The following STARD3NL variants were observed in gnomAD, a reference collection of about 807,000 sequenced individuals.
STARD3NL encodes the protein STARD3 N-terminal like, also known as STARD3 N-terminal-like protein.
Under a neutral mutation model 30.9 loss-of-function variants are expected in STARD3NL, and 17 were observed. The observed-to-expected ratio is 0.55, with a 90% confidence interval of 0.38 to 0.82. The LOEUF (loss-of-function observed/expected upper bound fraction) is 0.82, where lower values mean the gene tolerates loss of function less well. STARD3NL is among the 40% of genes least tolerant of loss of function. The pLI, the probability that STARD3NL is intolerant of heterozygous loss-of-function variation, is 0.00. For missense variants in STARD3NL, 234 were observed against 277.6 expected (o/e 0.84, Z 1.12); for synonymous variants, 112 against 100.5 (o/e 1.11, Z -0.69).
Position 38,217,296 on chromosome 7 carries a change from G to A in STARD3NL, c.544G>A (p.Glu182Lys), listed in dbSNP as rs1359298655. The change falls in exon 6 of 9, where the codon GAA becomes AAA. Residue 182 changes from glutamate (E) to lysine (K), a missense_variant. Transcript: ENST00000009041. The stretch of plus-strand genomic sequence containing the variant: ...CAAAGTGTTACCTCAAGAAGCAGAA[G>A]AAGAAAACAGTAAGTTCCTCTCAAA... ...DFKVLPQEAE[E>K]ENRLLIVQDA... is the part of the protein sequence containing the mutation. 5.6e-6 allele frequency: 9 copies of A among 1,613,900 alleles called. No individual in the cohort carries two copies. In the South Asian group the frequency reaches 9.9e-5, roughly 18 times the overall value.
At chr7:38,183,759 T>C (rs1784339120) in intron 1 of STARD3NL, among the ~76,000 whole-genome samples, 1 of 152,208 alleles carries the variant, frequency 6.6e-6, no homozygotes, top group African/African-American at 2.4e-5. Flanking sequence ...TGTCTAGTTG[T>C]ATGTGAATTG....
At chr7:38,179,008 C>T (rs1784137782) in intron 1 of STARD3NL, 1 of 152,144 alleles carries the variant, frequency 6.6e-6, no homozygotes, top group South Asian at 2.1e-4. Context: ...AGGGATTTTT[C>T]CCCCTCTCTT....
intron 7 of STARD3NL, among the ~76,000 whole-genome samples, chr7:38,223,692 T>G (rs1308341405): frequency 6.6e-6 from 1 of 152,134 alleles, no homozygotes; most frequent in Admixed American, 6.5e-5. Flanking sequence ...ATGATCACCC[T>G]ATGTGTCGTG....
At chr7:38,202,645 A>G (rs1295059536) in intron 1 of STARD3NL, among the ~76,000 whole-genome samples, 1 of 151,994 alleles carries the variant, frequency 6.6e-6, no homozygotes, top group African/African-American at 2.4e-5. Flanking sequence ...ACATATGTAT[A>G]CATGTGCCAT....
chr7:38,215,065 C>G lies in STARD3NL; in HGVS notation c.341C>G (p.Ala114Gly), dbSNP rs1786023415. Residue 114 changes from alanine (A) to glycine (G), a missense_variant, in exon 4 of 9, where the codon GCA becomes GGA. Coordinates refer to ENST00000009041, the MANE Select transcript of STARD3NL (RefSeq NM_032016.4). ...TTTCGATTTAAAGTGTTAATACTTG[C>G]ATATGCTGTGTGCAGACTGCGCCAT... The part of the protein sequence containing the change: ...AVFRFKVLIL[A>G]YAVCRLRHWW... The G allele has an allele frequency of 3.7e-6, 6 of 1,613,902 alleles. No homozygotes were observed. Among genetic ancestry groups the G allele is most frequent in the Admixed American group, 1.7e-5 (1 of 59,964 alleles).
At chr7:38,194,976 C>CT (rs1031923955) in intron 1 of STARD3NL, among the ~76,000 whole-genome samples, 37 of 151,754 alleles carry the variant, frequency 2.4e-4, no homozygotes, top group African/African-American at 7.7e-4. Flanking sequence ...TAGCATTTGC[C>CT]TTTTTTTTGT....
At chr7:38,209,036 T>C (rs1458280091) in intron 2 of STARD3NL, among the ~76,000 whole-genome samples, 1 of 152,192 alleles carries the variant, frequency 6.6e-6, no homozygotes, top group Non-Finnish European at 1.5e-5. Flanking sequence ...CACAGTGACA[T>C]GGAACATGAG....
chr7:38,204,857 C>A (rs910720552), intron 1 of STARD3NL, among the ~76,000 whole-genome samples: 2 of 152,004 alleles, frequency 1.3e-5, no homozygotes, highest in African/African-American at 2.4e-5. Flanking sequence ...ACTATAAACA[C>A]CTCTACGCAA....
At chr7:38,215,949 G>C (rs914162683) in intron 4 of STARD3NL, 2 of 152,220 alleles carry the variant, frequency 1.3e-5, no homozygotes, top group Admixed American at 6.5e-5. Flanking sequence ...TCAGAATCAC[G>C]GGGCAGCGGT....
At chr7:38,211,556 G>C (rs552771027) in intron 2 of STARD3NL, among the ~76,000 whole-genome samples, 1 of 152,292 alleles carries the variant, frequency 6.6e-6, no homozygotes, top group East Asian at 1.9e-4. Context: ...AATTGAATAG[G>C]TAGGCTGGTG....
At position 38,205,369 on chromosome 7, in the gene STARD3NL, C is replaced by T. The variant is rs377031461; in HGVS notation, c.-58-2078C>T. Among the ~76,000 whole-genome samples the T allele has an allele frequency of 1.4e-4, 22 of 152,166 alleles. No homozygotes were observed. In the East Asian group the frequency reaches 2.3e-3, roughly 16 times the overall value. On this transcript the variant is annotated intron_variant, in intron 1 of 8. Coordinates refer to ENST00000009041, the MANE Select transcript of STARD3NL (RefSeq NM_032016.4). ...TCATAGGTACCTTCTTATAAGAATT[C>T]GGTTTAGGTTTATTTTACAGAGTTC... is the stretch of plus-strand genomic sequence containing the variant.
chr7:38,188,026 G>A (rs1784534696), intron 1 of STARD3NL, among the ~76,000 whole-genome samples: 1 of 152,116 alleles, frequency 6.6e-6, no homozygotes, highest in Non-Finnish European at 1.5e-5. Context: ...GAGTCAGTAC[G>A]TCATCTCTCT....
intron 1 of STARD3NL, among the ~76,000 whole-genome samples, chr7:38,206,132 T>C (rs1785458690): frequency 6.6e-6 from 1 of 152,208 alleles, no homozygotes; most frequent in South Asian, 2.1e-4. Flanking sequence ...CAGTGAATAA[T>C]AGGACCAAAT....
At chr7:38,199,667 A>G (rs890204443) in intron 1 of STARD3NL, among the ~76,000 whole-genome samples, 1 of 152,110 alleles carries the variant, frequency 6.6e-6, no homozygotes, top group African/African-American at 2.4e-5. Context: ...CTCTGAAGGA[A>G]CTCACCCTGT....
At chr7:38,191,387 G>A (rs1166202410) in intron 1 of STARD3NL, among the ~76,000 whole-genome samples, 1 of 152,064 alleles carries the variant, frequency 6.6e-6, no homozygotes, top group Non-Finnish European at 1.5e-5. Context: ...AATGGACCAG[G>A]GGGAGCCCCT....
At chr7:38,212,600 T>G (rs1314645237) in intron 2 of STARD3NL, among the ~76,000 whole-genome samples, 1 of 152,170 alleles carries the variant, frequency 6.6e-6, no homozygotes, top group African/African-American at 2.4e-5. Flanking sequence ...TCAGCAAATA[T>G]TTGGTGAATG....
chr7:38,189,089 C>A (rs1226606650), intron 1 of STARD3NL, among the ~76,000 whole-genome samples: 1 of 151,872 alleles, frequency 6.6e-6, no homozygotes, highest in South Asian at 2.1e-4. Context: ...GACTACAAAA[C>A]AATGACCAAA....
At chr7:38,208,202 A>G (rs531567039) in intron 2 of STARD3NL, among the ~76,000 whole-genome samples, 26 of 152,336 alleles carry the variant, frequency 1.7e-4, no homozygotes, top group Admixed American at 4.6e-4. Context: ...TCCTTCCTCC[A>G]GAAAATGTAG....
At chr7:38,229,176 G>A (rs1192952841) in intron 8 of STARD3NL, among the ~76,000 whole-genome samples, 1 of 152,226 alleles carries the variant, frequency 6.6e-6, no homozygotes, top group East Asian at 1.9e-4. Context: ...TTAATGACAG[G>A]TACTAATCTA....
Sources: allele counts gnomAD v4.1 joint callset (sites outside exome capture counted in the v4.1 genomes callset), GRCh38; gene constraint gnomAD v4.1.1; transcripts MANE v1.5; gene names NCBI Gene and HGNC (gene_info 2026-07-23, HGNC 2026-07-21).